Variants in LIMCH1 observed in about 807,000 individuals in gnomAD.
LIMCH1 encodes the protein LIM and calponin homology domains-containing protein 1.
In LIMCH1, 113 loss-of-function variants were observed where a neutral mutation model predicts 176.5. That is an observed-to-expected ratio of 0.64 (90% CI 0.55 to 0.75). The LOEUF is 0.75. LIMCH1 is among the 30% of genes least tolerant of loss of function. The probability of loss-of-function intolerance (pLI) is 0.00; values close to 1 mark genes in which losing one functional copy is unlikely to be tolerated. For missense variants in LIMCH1, 1,674 were observed against 1,814.9 expected, an observed-to-expected ratio of 0.92 and a Z score of 1.41; for synonymous variants, 619 against 645.9, an observed-to-expected ratio of 0.96 and a Z score of 0.63.
At chr4:41,397,135 G>A (rs2057887358) in intron 1 of LIMCH1, among the ~76,000 whole-genome samples, 1 of 152,122 alleles carries the variant, frequency 6.6e-6, no homozygotes, top group Non-Finnish European at 1.5e-5. Context: ...AATGTTGAGG[G>A]AGCTTCTATG....
At chr4:41,490,041 GT>G (rs2070468282) in intron 1 of LIMCH1, among the ~76,000 whole-genome samples, 1 of 151,982 alleles carries the variant, frequency 6.6e-6, no homozygotes, top group Non-Finnish European at 1.5e-5. Flanking sequence ...TATCATAAAG[GT>G]ATTCATCCTC....
At chr4:41,598,556 A>G (rs7672082) in intron 1 of LIMCH1, among the ~76,000 whole-genome samples, 33,179 of 152,140 alleles carry the variant, frequency 0.22, 4,285 homozygotes, top group African/African-American at 0.36. Flanking sequence ...AAGAAAAGAA[A>G]TCAATTTCAA....
intron 21 of LIMCH1, chr4:41,670,790 C>T: frequency 6.5e-7 from 1 of 1,535,880 alleles, no homozygotes; most frequent in Non-Finnish European, 8.7e-7. Flanking sequence ...TTCTCCCAGT[C>T]AGGTAAACTG....
intron 1 of LIMCH1, among the ~76,000 whole-genome samples, chr4:41,569,534 T>A (rs1167542451): frequency 6.6e-6 from 1 of 152,126 alleles, no homozygotes; most frequent in Admixed American, 6.6e-5. Context: ...AGTAAAAGAA[T>A]AGGAGGGTCG....
intron 13 of LIMCH1, 49 bp downstream of exon 13, chr4:41,633,857 C>T: frequency 1.3e-6 from 2 of 1,515,782 alleles, no homozygotes; most frequent in Non-Finnish European, 1.8e-6. Flanking sequence ...CCAGTCTGAG[C>T]TTTCAGTGTG....
intron 2 of LIMCH1, among the ~76,000 whole-genome samples, chr4:41,601,848 T>G (rs1402576091): frequency 1.3e-5 from 2 of 152,090 alleles, no homozygotes; most frequent in Non-Finnish European, 2.9e-5. Context: ...TTTTGTAAAC[T>G]AAGGTAGTTA....
intron 1 of LIMCH1, among the ~76,000 whole-genome samples, chr4:41,445,940 C>T (rs778324615): frequency 2.4e-4 from 36 of 152,084 alleles, no homozygotes; most frequent in Non-Finnish European, 4.4e-4. Flanking sequence ...GTTTTATTTT[C>T]CTCTGTGAAT....
intron 1 of LIMCH1, among the ~76,000 whole-genome samples, chr4:41,396,128 G>A (rs929812269): frequency 6.6e-6 from 1 of 152,110 alleles, no homozygotes; most frequent in African/African-American, 2.4e-5. Flanking sequence ...TGTGGGGCCG[G>A]ATCTGTAGGA....
At chr4:41,426,842 C>T (rs907230723) in intron 1 of LIMCH1, among the ~76,000 whole-genome samples, 1 of 152,184 alleles carries the variant, frequency 6.6e-6, no homozygotes. Context: ...TTCCTTTCAC[C>T]TAAAATAACC....
intron 1 of LIMCH1, among the ~76,000 whole-genome samples, chr4:41,490,772 C>T (rs983440811): frequency 6.6e-5 from 10 of 152,224 alleles, no homozygotes; most frequent in Admixed American, 5.9e-4. Context: ...TATCACGGCC[C>T]GTTCTCGATG....
intron 26 of LIMCH1, 148 bp from the exon 27 acceptor site, chr4:41,684,249 T>A: frequency 1.6e-6 from 1 of 612,964 alleles, no homozygotes; most frequent in Non-Finnish European, 2.6e-6. Context: ...TTTATCATTT[T>A]AAATCTATTT....
At chr4:41,378,473 T>C (rs1457209251) in intron 1 of LIMCH1, among the ~76,000 whole-genome samples, 1 of 152,264 alleles carries the variant, frequency 6.6e-6, no homozygotes, top group Non-Finnish European at 1.5e-5. Context: ...AGTCAAGTGC[T>C]CAATAAGTTT....
At chr4:41,684,352 G>C (rs757706277) in intron 26 of LIMCH1, 45 bp from the exon 27 acceptor site, 1 of 1,581,840 alleles carries the variant, frequency 6.3e-7, no homozygotes, top group Non-Finnish European at 8.6e-7. Flanking sequence ...GTTCGATTCA[G>C]TTACTTTTCT....
At chr4:41,596,738 C>T (rs1016934462) in intron 1 of LIMCH1, among the ~76,000 whole-genome samples, 10 of 152,262 alleles carry the variant, frequency 6.6e-5, no homozygotes, top group African/African-American at 2.4e-4. Context: ...GGAACTCTTA[C>T]ATTTGATAAT....
At chr4:41,635,887 C>T (rs1017373647) in intron 13 of LIMCH1, among the ~76,000 whole-genome samples, 2 of 152,128 alleles carry the variant, frequency 1.3e-5, no homozygotes, top group East Asian at 3.9e-4. Flanking sequence ...TTCCCTTTAT[C>T]TTTCTACCTA....
chr4:41,524,613 C>G, intron 3 of LIMCH1: 2 of 686,988 alleles, frequency 2.9e-6, no homozygotes. Flanking sequence ...ATCCATTAAA[C>G]GAAGAGGTCA....
intron 2 of LIMCH1, among the ~76,000 whole-genome samples, chr4:41,519,166 A>G (rs373814809): frequency 4.6e-5 from 7 of 152,174 alleles, no homozygotes; most frequent in Admixed American, 4.6e-4. Flanking sequence ...GTGAATTAGG[A>G]TGTATGACAG....
chr4:41,568,314 A>G (rs2152574111), intron 1 of LIMCH1, among the ~76,000 whole-genome samples: 1 of 152,298 alleles, frequency 6.6e-6, no homozygotes, highest in East Asian at 1.9e-4. Context: ...TAAATTGTGT[A>G]ATCTGAAAAT....
At chr4:41,518,016 G>T (rs1040120369) in intron 2 of LIMCH1, among the ~76,000 whole-genome samples, 6 of 152,070 alleles carry the variant, frequency 3.9e-5, no homozygotes, top group African/African-American at 1.4e-4. Context: ...AGAATAAAGT[G>T]ATTTCCTATG....
Sources: gnomAD v4.1 joint callset for allele counts (sites outside exome capture counted in the v4.1 genomes callset) on GRCh38, gnomAD v4.1.1 for gene constraint, MANE v1.5 for transcripts, NCBI Gene and HGNC (gene_info 2026-07-23, HGNC 2026-07-21) for gene names.